Variants in SLC35D4 observed in about 807,000 individuals in gnomAD.
SLC35D4 encodes the protein solute carrier family 35 member D4.
chr18:23,317,154 T>TACAC, the SLC35D4 span, among the ~76,000 whole-genome samples: 7,471 of 149,852 alleles, frequency 0.05, 316 homozygotes, highest in African/African-American at 0.12. Flanking sequence ...TGGGAGAAGT[T>TACAC]ACACACACAC....
the SLC35D4 span, among the ~76,000 whole-genome samples, chr18:23,247,260 G>A: frequency 6.6e-6 from 1 of 152,234 alleles, no homozygotes; most frequent in Non-Finnish European, 1.5e-5. Flanking sequence ...ATGACCTCCT[G>A]TACACCAGAG....
chr18:23,343,438 T>C, the SLC35D4 span, among the ~76,000 whole-genome samples: 1 of 151,806 alleles, frequency 6.6e-6, no homozygotes, highest in African/African-American at 2.4e-5. Flanking sequence ...ACAGGGTTTC[T>C]CCATGTTGGT....
the SLC35D4 span, among the ~76,000 whole-genome samples, chr18:23,295,774 G>A: frequency 3.3e-5 from 5 of 152,142 alleles, no homozygotes; most frequent in African/African-American, 1.2e-4. Context: ...GGCTGAGTAT[G>A]GACAAGGCGT....
the SLC35D4 span, among the ~76,000 whole-genome samples, chr18:23,400,603 G>T: frequency 6.6e-6 from 1 of 152,042 alleles, no homozygotes; most frequent in African/African-American, 2.4e-5. Flanking sequence ...ATCCAACCTG[G>T]GCGACAGAGC....
the SLC35D4 span, among the ~76,000 whole-genome samples, chr18:23,423,058 C>T: frequency 6.6e-6 from 1 of 152,172 alleles, no homozygotes; most frequent in Non-Finnish European, 1.5e-5. Context: ...CACATAAAGT[C>T]CTTCGGGACT....
the SLC35D4 span, among the ~76,000 whole-genome samples, chr18:23,378,133 C>T: frequency 1.3e-5 from 2 of 151,938 alleles, no homozygotes; most frequent in African/African-American, 2.4e-5. Context: ...ATCCTCCCAC[C>T]TCAGCCTCCT....
the SLC35D4 span, among the ~76,000 whole-genome samples, chr18:23,343,024 G>A: frequency 1.3e-5 from 2 of 151,988 alleles, no homozygotes; most frequent in African/African-American, 4.8e-5. Context: ...CTGGGTTCAA[G>A]TGATTTTCCT....
the SLC35D4 span, among the ~76,000 whole-genome samples, chr18:23,327,446 C>G: frequency 3.9e-5 from 6 of 152,270 alleles, no homozygotes; most frequent in South Asian, 8.3e-4. Context: ...ACTAGAAAAT[C>G]TAGAAGAAAT....
the SLC35D4 span, among the ~76,000 whole-genome samples, chr18:23,349,255 A>G: frequency 6.6e-6 from 1 of 152,090 alleles, no homozygotes; most frequent in Non-Finnish European, 1.5e-5. Context: ...CTCTTCTGGG[A>G]TTCTTATTAC....
the SLC35D4 span, among the ~76,000 whole-genome samples, chr18:23,268,661 G>A: frequency 2.0e-5 from 3 of 152,212 alleles, no homozygotes; most frequent in East Asian, 1.9e-4. Context: ...AAATGCAGAC[G>A]CTGGGGCAGC....
chr18:23,389,523 T>A, the SLC35D4 span, among the ~76,000 whole-genome samples: 1 of 152,168 alleles, frequency 6.6e-6, no homozygotes, highest in African/African-American at 2.4e-5. Context: ...TGTAGGGCTC[T>A]ATTAAAAACA....
chr18:23,385,219 G>A, the SLC35D4 span: 3 of 651,866 alleles, frequency 4.6e-6, no homozygotes, highest in East Asian at 5.7e-5. Flanking sequence ...ATGGATTAGC[G>A]CTCTTTGCTG....
At chr18:23,417,045 C>T in the SLC35D4 span, among the ~76,000 whole-genome samples, 1 of 152,022 alleles carries the variant, frequency 6.6e-6, no homozygotes, top group Non-Finnish European at 1.5e-5. Context: ...AGTTAGAGAC[C>T]AGCCTGGGCA....
At chr18:23,437,869 T>C in the SLC35D4 span, 21 of 1,607,968 alleles carry the variant, frequency 1.3e-5, no homozygotes, top group African/African-American at 1.3e-5. Context: ...ACTCGTCCCC[T>C]TCTCGGGGAT....
the SLC35D4 span, among the ~76,000 whole-genome samples, chr18:23,261,928 A>ACC: frequency 6.6e-6 from 1 of 152,186 alleles, no homozygotes; most frequent in African/African-American, 2.4e-5. Context: ...GCCATCTCTC[A>ACC]CCACCATCTT....
the SLC35D4 span, among the ~76,000 whole-genome samples, chr18:23,400,743 T>C: frequency 6.6e-6 from 1 of 152,186 alleles, no homozygotes; most frequent in Non-Finnish European, 1.5e-5. Context: ...TAATCCCAAC[T>C]AACTCAATGA....
chr18:23,403,372 T>C, the SLC35D4 span, among the ~76,000 whole-genome samples: 2 of 152,154 alleles, frequency 1.3e-5, no homozygotes, highest in African/African-American at 2.4e-5. Flanking sequence ...TCAGTGAGAA[T>C]AGGGAAAGCT....
the SLC35D4 span, among the ~76,000 whole-genome samples, chr18:23,308,393 T>C: frequency 6.6e-6 from 1 of 152,100 alleles, no homozygotes; most frequent in Non-Finnish European, 1.5e-5. Flanking sequence ...TTCAAACCAA[T>C]GCCCAGTACG....
the SLC35D4 span, among the ~76,000 whole-genome samples, chr18:23,303,945 G>T: frequency 6.6e-6 from 1 of 150,736 alleles, no homozygotes; most frequent in East Asian, 2.0e-4. Context: ...TCTGGGAGTG[G>T]TGGCTCCCTC....
Sources: gnomAD v4.1 joint callset for allele counts (sites outside exome capture counted in the v4.1 genomes callset) on GRCh38, gnomAD v4.1.1 for gene constraint, MANE v1.5 for transcripts, NCBI Gene and HGNC (gene_info 2026-07-23, HGNC 2026-07-21) for gene names.